The following RAD51B variants were observed in gnomAD, a reference collection of about 807,000 sequenced individuals.
The protein encoded by RAD51B is DNA repair protein RAD51 homolog 2.
Under a neutral mutation model 42.2 loss-of-function variants are expected in RAD51B, and 38 were observed. The observed-to-expected ratio is 0.90, with a 90% CI of 0.70 to 1.18. The LOEUF is 1.18. RAD51B is among the 50% of genes most tolerant of loss of function. The pLI, the probability that RAD51B is intolerant of heterozygous loss-of-function variation, is 0.00. For synonymous variants in RAD51B, 154 were observed against 145.2 expected (o/e 1.06, Z -0.43); for missense variants, 373 against 400.7 (o/e 0.93, Z 0.59).
intron 7 of RAD51B, among the ~76,000 whole-genome samples, chr14:68,261,744 T>C (rs1230262560): frequency 6.6e-6 from 1 of 151,150 alleles, no homozygotes; most frequent in African/African-American, 2.4e-5. Context: ...TATTTTTAAA[T>C]CCCTGCTTAT....
At chr14:68,207,295 A>G (rs1042944065) in intron 7 of RAD51B, among the ~76,000 whole-genome samples, 2 of 152,160 alleles carry the variant, frequency 1.3e-5, no homozygotes, top group Admixed American at 6.5e-5. Flanking sequence ...AGAAATCATG[A>G]ATTGATTCAT....
intron 7 of RAD51B, among the ~76,000 whole-genome samples, chr14:67,899,425 C>CT (rs1566948529): frequency 2.0e-5 from 3 of 152,094 alleles, no homozygotes; most frequent in East Asian, 3.8e-4. Context: ...TAGATTATAG[C>CT]TTTTTTAACC....
At chr14:68,442,940 A>C (rs1375499358) in intron 9 of RAD51B, among the ~76,000 whole-genome samples, 6 of 152,192 alleles carry the variant, frequency 3.9e-5, no homozygotes, top group Admixed American at 3.9e-4. Flanking sequence ...AGAATGACCC[A>C]GGTTGTTGCT....
intron 7 of RAD51B, among the ~76,000 whole-genome samples, chr14:68,041,243 C>G (rs1202171547): frequency 2.2e-4 from 34 of 152,200 alleles, no homozygotes; most frequent in Non-Finnish European, 4.4e-5. Flanking sequence ...CTTCCTCAGC[C>G]ATGCTTCCTT....
At chr14:68,087,917 A>AT (rs2077015928) in intron 7 of RAD51B, among the ~76,000 whole-genome samples, 3 of 80,484 alleles carry the variant, frequency 3.7e-5, no homozygotes, top group African/African-American at 2.0e-4. Context: ...ATTATATAAT[A>AT]TATTATATAT....
intron 7 of RAD51B, among the ~76,000 whole-genome samples, chr14:68,035,787 T>A (rs1282111905): frequency 6.6e-6 from 1 of 152,224 alleles, no homozygotes; most frequent in Non-Finnish European, 1.5e-5. Context: ...AATTCCTCAT[T>A]TTTTTAAATG....
At chr14:68,454,394 G>A (rs1385977281) in intron 9 of RAD51B, among the ~76,000 whole-genome samples, 1 of 150,452 alleles carries the variant, frequency 6.6e-6, no homozygotes, top group Non-Finnish European at 1.5e-5. Context: ...ATTAAATAAA[G>A]GCTCACAACA....
In RAD51B at chr14:68,510,343, G is replaced by A. The variant is rs142200815; in HGVS notation, c.1036+42093G>A. ...ACACTGGACCAAATTAGACTGAGCC[G>A]GCCTCTGTCTCCAGGGAAGGGAGGT... On this transcript the variant is annotated intron_variant, in intron 10 of 10. Coordinates refer to the RAD51B transcript ENST00000487270. 4.5e-4 allele frequency among the ~76,000 whole-genome samples: 69 copies of A among 152,304 alleles called. 1 individual carries two copies. The highest frequency in any genetic ancestry group is 3.3e-3 in the South Asian group (16 of 4,824).
intron 7 of RAD51B, among the ~76,000 whole-genome samples, chr14:68,176,765 A>C (rs2078969374): frequency 6.6e-6 from 1 of 152,188 alleles, no homozygotes; most frequent in African/African-American, 2.4e-5. Flanking sequence ...AAAGGTAACC[A>C]ACCTTGAAAT....
intron 7 of RAD51B, among the ~76,000 whole-genome samples, chr14:68,091,963 C>T (rs1338930041): frequency 6.6e-6 from 1 of 152,176 alleles, no homozygotes; most frequent in African/African-American, 2.4e-5. Flanking sequence ...GGAATCCTTT[C>T]CCCATTGCTT....
At chr14:68,256,776 G>A (rs1299344740) in intron 7 of RAD51B, among the ~76,000 whole-genome samples, 1 of 152,018 alleles carries the variant, frequency 6.6e-6, no homozygotes, top group Non-Finnish European at 1.5e-5. Flanking sequence ...ACCTTCTACA[G>A]TTCTGAAACC....
intron 7 of RAD51B, among the ~76,000 whole-genome samples, chr14:68,259,275 G>C (rs2139534523): frequency 6.8e-6 from 1 of 148,040 alleles, no homozygotes; most frequent in South Asian, 2.2e-4. Context: ...CACAGGAAGG[G>C]GAACATCACA....
chr14:68,302,458 G>A lies in RAD51B; in HGVS notation c.853+10478G>A, dbSNP rs2081762377. Among the ~76,000 whole-genome samples, 26 of 106,280 alleles carry A rather than the reference G, an allele frequency of 2.4e-4. No homozygotes were observed. In the Admixed American group the frequency reaches 2.7e-3, roughly 11 times the overall value. The allele number at this position is 106,280 out of a possible 152,430, so 69.7% of individuals were successfully genotyped here. A position where few individuals can be genotyped will look rare whatever the true frequency, so the allele number is the denominator to read the frequency against. ...AATAGGAGAGAGAGAAGGGGAAAGT[G>A]CACCTGACAGAGGGAAAAGCCCCCG... On this transcript the variant is annotated intron_variant, in intron 8 of 10. Coordinates refer to ENST00000471583, the MANE Select transcript of RAD51B (RefSeq NM_133510.4).
chr14:68,113,544 A>G (rs2077492334), intron 7 of RAD51B, among the ~76,000 whole-genome samples: 1 of 152,146 alleles, frequency 6.6e-6, no homozygotes, highest in Non-Finnish European at 1.5e-5. Flanking sequence ...TTCTCACAGT[A>G]CGACTTCTGG....
chr14:68,563,029 C>T (rs1394840703), intron 10 of RAD51B: 5 of 985,358 alleles, frequency 5.1e-6, no homozygotes, highest in Non-Finnish European at 6.0e-6. Context: ...TGAGACCAAC[C>T]TCTCTCACCC....
At chr14:68,379,442 C>CCTTTCTG (rs1471072562) in intron 8 of RAD51B, among the ~76,000 whole-genome samples, 1 of 152,110 alleles carries the variant, frequency 6.6e-6, no homozygotes, top group Non-Finnish European at 1.5e-5. Flanking sequence ...GAGGAAATCC[C>CCTTTCTG]CTTTCTGGCT....
chr14:68,599,360 G>C (rs929503383), downstream of RAD51B, among the ~76,000 whole-genome samples: 1 of 152,190 alleles, frequency 6.6e-6, no homozygotes, highest in African/African-American at 2.4e-5. Context: ...CAGAAGTTGC[G>C]CAAGGTGGAA....
At chr14:67,975,898 C>A (rs2074984122) in intron 7 of RAD51B, among the ~76,000 whole-genome samples, 1 of 152,172 alleles carries the variant, frequency 6.6e-6, no homozygotes, top group Non-Finnish European at 1.5e-5. Context: ...CAAACCTTAT[C>A]CCCATCCCTA....
At chr14:68,284,278 G>A (rs1269453823) in intron 7 of RAD51B, among the ~76,000 whole-genome samples, 1 of 152,208 alleles carries the variant, frequency 6.6e-6, no homozygotes, top group African/African-American at 2.4e-5. Context: ...CATTGGTTCT[G>A]TGTAGGATGG....
Sources: gnomAD v4.1 joint callset for allele counts (sites outside exome capture counted in the v4.1 genomes callset) on GRCh38, gnomAD v4.1.1 for gene constraint, MANE v1.5 for transcripts, NCBI Gene and HGNC (gene_info 2026-07-23, HGNC 2026-07-21) for gene names.